Variants in DGCR8 observed in about 807,000 individuals in gnomAD.
DGCR8 encodes the protein microprocessor complex subunit DGCR8.
In DGCR8, 14 loss-of-function variants were observed where a neutral mutation model predicts 78.5. That is an observed-to-expected ratio of 0.18 (90% CI 0.12 to 0.28). The LOEUF is 0.28. Among genes scored for constraint, DGCR8 ranks in the 10% least tolerant of loss-of-function variants. The pLI, the probability that DGCR8 is intolerant of heterozygous loss-of-function variation, is 1.00. For missense variants in DGCR8, 702 were observed against 1,022.5 expected, an observed-to-expected ratio of 0.69 and a Z score of 4.28; for synonymous variants, 399 against 402.4, an observed-to-expected ratio of 0.99 and a Z score of 0.10.
At chr22:20,107,100 G>T in intron 11 of DGCR8, 171 bp from the exon 12 acceptor site, 1 of 685,122 alleles carries the variant, frequency 1.5e-6, no homozygotes, top group Non-Finnish European at 2.5e-6. Context: ...GTGGCAGCTG[G>T]GTACTGTGAG....
intron 1 of DGCR8, among the ~76,000 whole-genome samples, chr22:20,084,569 C>T (rs1042586354): frequency 6.6e-6 from 1 of 152,224 alleles, no homozygotes; most frequent in African/African-American, 2.4e-5. Flanking sequence ...TCAGTGCGTC[C>T]TGGCCTTCCG....
chr22:20,100,098 C>T (rs1002418914), intron 9 of DGCR8, among the ~76,000 whole-genome samples: 5 of 152,036 alleles, frequency 3.3e-5, no homozygotes, highest in Non-Finnish European at 5.9e-5. Context: ...GATGGAGTCT[C>T]GCTCTGTTGC....
chr22:20,086,097 G>A lies in DGCR8; in HGVS notation c.134G>A (p.Gly45Asp). ...SPPPPLQTSS[G>D]AEVMDVGSGG... is the part of the protein sequence containing the mutation. ...CCACCTCCCCTGCAAACGTCCAGTG[G>A]TGCAGAGGTAATGGACGTTGGCTCT... The change falls in exon 2 of 14, where the codon GGT becomes GAT. Residue 45 changes from glycine to aspartate, a missense_variant. This residue lies in a region of DGCR8 where 356 missense variants were observed against 448.9 expected (regional missense o/e 0.79). Coordinates refer to ENST00000351989, the MANE Select transcript of DGCR8 (RefSeq NM_022720.7). The surrounding 1 kb of genome is among the most constrained non-coding windows in gnomAD (Gnocchi z 6.4). 2.5e-6 allele frequency: 4 copies of A among 1,614,188 alleles called. No individual in the cohort carries two copies. The highest frequency in any genetic ancestry group is 3.4e-6 in the Non-Finnish European group (4 of 1,180,046).
Position 20,086,475 on chromosome 22 carries a change from G to A in DGCR8, c.512G>A (p.Gly171Glu). 1.2e-6 allele frequency: 2 copies of A among 1,614,032 alleles called. No individual in the cohort carries two copies. The highest frequency in any genetic ancestry group is 1.7e-6 in the Non-Finnish European group (2 of 1,180,030). Reference protein sequence around the residue: ...ACPFGGSVGDGVGIGGESADK... With the variant: ...ACPFGGSVGDEVGIGGESADK... ...CCCTTTGGCGGGAGTGTTGGTGACGGGGTAGGCATAGGGGGTGAGAGTGCT... is the reference window on the plus strand; with the variant it reads ...CCCTTTGGCGGGAGTGTTGGTGACGAGGTAGGCATAGGGGGTGAGAGTGCT... Residue 171 changes from glycine (G) to glutamate (E), a missense_variant, in exon 2 of 14, where the codon GGG (glycine) becomes GAG (glutamate). Gly to Glu is a moderately conservative substitution (Grantham distance 98). Transcript: ENST00000351989. The surrounding 1 kb of genome is among the most constrained non-coding windows in gnomAD (Gnocchi z 6.4).
chr22:20,081,971 C>G (rs2049423093), intron 1 of DGCR8, among the ~76,000 whole-genome samples: 1 of 152,092 alleles, frequency 6.6e-6, no homozygotes, highest in Non-Finnish European at 1.5e-5. Flanking sequence ...GCCTCTAATT[C>G]TCTTTACTGT....
chr22:20,096,074 C>G (rs909656513), intron 9 of DGCR8, among the ~76,000 whole-genome samples: 1 of 152,174 alleles, frequency 6.6e-6, no homozygotes, highest in African/African-American at 2.4e-5. Flanking sequence ...CCCCACCACT[C>G]ATGTCCTGCT....
chr22:20,111,257 C>T lies in DGCR8; in HGVS notation c.*1149C>T. 2.5e-6 allele frequency: 1 copy of T among 398,818 alleles called. No individual in the cohort carries two copies. The highest frequency in any genetic ancestry group is 3.6e-5 in the East Asian group (1 of 28,072). The allele number at this position is 398,818 out of a possible 1,614,324, so 24.7% of individuals were successfully genotyped here. ...AAGGCTGGCCCTGGTGGTGGACTGG[C>T]ACCTGTGCAGAGTGCCGTGTGCTTG... On this transcript the variant is annotated 3_prime_UTR_variant, in exon 14 of 14. Coordinates refer to ENST00000351989, the MANE Select transcript of DGCR8 (RefSeq NM_022720.7).
rs1379756428 is a variant in DGCR8, at chr22:20,087,671, C to CAGTG, written c.880+353_880+356dup. 2.0e-5 allele frequency among the ~76,000 whole-genome samples: 3 copies of CAGTG among 152,090 alleles called. No homozygotes were observed. Among genetic ancestry groups the CAGTG allele is most frequent in the African/African-American group, 7.2e-5 (3 of 41,406 alleles). On this transcript the variant is annotated intron_variant, in intron 3 of 13. Transcript: ENST00000351989. The surrounding 1 kb of genome is among the most constrained non-coding windows in gnomAD (Gnocchi z 4.1). Reference sequence around the variant, plus strand: ...GGAGACCAAGGGCAAGGTGGGTACACAGTGAGATGGCAGGTGATAGTTGTG... The same window carrying CAGTG: ...GGAGACCAAGGGCAAGGTGGGTACACAGTGAGTGAGATGGCAGGTGATAGTTGTG...
Position 20,083,116 on chromosome 22 carries a change from C to T in DGCR8, c.-277-2571C>T, listed in dbSNP as rs1455258078. Among the ~76,000 whole-genome samples, 6 of 152,298 alleles carry T rather than the reference C, an allele frequency of 3.9e-5. No individual in the cohort carries two copies. In the East Asian group the frequency reaches 7.7e-4, roughly 20 times the overall value. On this transcript the variant is annotated intron_variant, in intron 1 of 13. Coordinates refer to ENST00000351989, the MANE Select transcript of DGCR8 (RefSeq NM_022720.7). ...GTGTCACCTGGAACATCCCCTCCTC[C>T]CAGCCCTGTAACCCACCTGGCTCAC...
chr22:20,080,999 T>G (rs2049411894), intron 1 of DGCR8, among the ~76,000 whole-genome samples: 1 of 152,200 alleles, frequency 6.6e-6, no homozygotes, highest in Non-Finnish European at 1.5e-5. Context: ...TGTCGACTGT[T>G]CGAGGCCAAC....
In DGCR8 at chr22:20,089,968, A is replaced by G. The variant is rs1602481953; in HGVS notation, c.1024-8A>G. The stretch of plus-strand genomic sequence containing the variant: ...TTGTAATCCATATTGCAATTTCACT[A>G]TCCACAGAAACACGACCCTCCTCTG... On this transcript the variant is annotated splice_polypyrimidine_tract_variant and splice_region_variant and intron_variant, in intron 4 of 13. Transcript: ENST00000351989. The surrounding 1 kb of genome is among the most constrained non-coding windows in gnomAD (Gnocchi z 4.9). The G allele has an allele frequency of 3.7e-6, 6 of 1,601,644 alleles. No individual in the cohort carries two copies. The highest frequency in any genetic ancestry group is 2.2e-5 in the South Asian group (2 of 89,628).
At position 20,086,868 on chromosome 22, in the gene DGCR8, T is replaced by C. The variant is rs1361366377; in HGVS notation, c.720+185T>C. On this transcript the variant is annotated intron_variant, in intron 2 of 13. Transcript: ENST00000351989. This position sits in a 1 kb window ranked among gnomAD's most constrained non-coding sequence, Gnocchi z 6.4. ...GTAAGGAGTCCAGATTTTTAAAGTTTCCTAATGAAAAGTTTGGCCCATGGG... is the reference window on the plus strand; with the variant it reads ...GTAAGGAGTCCAGATTTTTAAAGTTCCCTAATGAAAAGTTTGGCCCATGGG... 3.4e-6 allele frequency: 3 copies of C among 875,636 alleles called. No homozygotes were observed. Among genetic ancestry groups the C allele is most frequent in the Non-Finnish European group, 3.4e-6 (2 of 594,698 alleles). 54.2% of individuals were successfully genotyped at this position (875,636 alleles called of 1,614,324 possible).
chr22:20,082,214 C>CA (rs1206424048), intron 1 of DGCR8, among the ~76,000 whole-genome samples: 1 of 150,030 alleles, frequency 6.7e-6, no homozygotes, highest in Non-Finnish European at 1.5e-5. Flanking sequence ...CCACCACCAC[C>CA]ACGCCCGGCT....
chr22:20,080,528 A>G, intron 1 of DGCR8, 145 bp downstream of exon 1: 2 of 956,304 alleles, frequency 2.1e-6, no homozygotes, highest in South Asian at 4.8e-5. Context: ...GTGAGGCAAC[A>G]TGGCCGCGGG....
At chr22:20,096,371 A>G (rs952237619) in intron 9 of DGCR8, 1 of 911,178 alleles carries the variant, frequency 1.1e-6, no homozygotes, top group Non-Finnish European at 1.3e-6. Flanking sequence ...ATTTTTGTAT[A>G]AGTGGGCCCA....
Position 20,080,368 on chromosome 22 carries a change from C to A in DGCR8, c.-293C>A. 1.0e-6 allele frequency: 1 copy of A among 974,224 alleles called. No individual in the cohort carries two copies. Among genetic ancestry groups the A allele is most frequent in the Non-Finnish European group, 1.2e-6 (1 of 825,980 alleles). The allele number at this position is 974,224 out of a possible 1,614,324, so 60.3% of individuals were successfully genotyped here. On this transcript the variant is annotated 5_prime_UTR_variant, in exon 1 of 14. Transcript: ENST00000351989. ...GTTTGGCTGCGGGCGGCTTGGGCAG[C>A]CCGCGGGCGCCTCAGGTAGGTGCGG... is the stretch of plus-strand genomic sequence containing the variant.
At chr22:20,101,774 C>A in intron 9 of DGCR8, 1 of 985,342 alleles carries the variant, frequency 1.0e-6, no homozygotes, top group Non-Finnish European at 1.2e-6. Flanking sequence ...CCCTGCTCCT[C>A]CCAGCTGCCT....
intron 9 of DGCR8, among the ~76,000 whole-genome samples, chr22:20,095,475 C>T (rs1046147554): frequency 1.3e-5 from 2 of 152,232 alleles, no homozygotes; most frequent in Non-Finnish European, 2.9e-5. Context: ...CTCACGTGGT[C>T]GAAAATTCAC....
rs2049783086 is a variant in DGCR8, at chr22:20,107,343, A to G, written c.2069A>G (p.Asn690Ser). 2 of 1,614,052 alleles carry G rather than the reference A, an allele frequency of 1.2e-6. No homozygotes were observed. Among genetic ancestry groups the G allele is most frequent in the Non-Finnish European group, 1.7e-6 (2 of 1,180,020 alleles). Reference protein sequence around the residue: ...ILQLLHPHVKNWGSLLRMYGR... With the variant: ...ILQLLHPHVKSWGSLLRMYGR... ...CAGCTGCTGCACCCACATGTCAAGA[A>G]CTGGGGGTCTTTACTGCGCATGTAT... The change falls in exon 12 of 14, where the codon AAC becomes AGC. Residue 690 changes from asparagine (N) to serine (S), a missense_variant. By Grantham distance (46) the Asn-to-Ser change is conservative (BLOSUM62 1). Transcript: ENST00000351989.
Sources: gnomAD v4.1 joint callset for allele counts (sites outside exome capture counted in the v4.1 genomes callset) on GRCh38, gnomAD v4.1.1 for gene constraint, gnomAD v4.1.1 regional missense constraint, Gnocchi (gnomAD v3.1) non-coding constraint, MANE v1.5 for transcripts, NCBI Gene and HGNC (gene_info 2026-07-23, HGNC 2026-07-21) for gene names.